TTC34: variants seen among roughly 807,000 people sequenced by gnomAD.
TTC34 encodes tetratricopeptide repeat protein 34.
In TTC34, 44 loss-of-function variants were observed where a neutral mutation model predicts 40.7. That is an observed-to-expected ratio of 1.08 (90% CI 0.85 to 1.39). The LOEUF (loss-of-function observed/expected upper bound fraction) is 1.39. Ranked by LOEUF, TTC34 falls within the 40% of genes most tolerant of loss-of-function variation. TTC34 has a pLI of 0.00. For missense variants in TTC34, 884 were observed against 838.0 expected (o/e 1.05, Z -0.68); for synonymous variants, 422 against 398.6 (o/e 1.06, Z -0.70).
At chr1:2,699,370 A>G (rs1288221057) in intron 6 of TTC34, among the ~76,000 whole-genome samples, 1 of 103,076 alleles carries the variant, frequency 9.7e-6, no homozygotes, top group African/African-American at 3.1e-5. Flanking sequence ...AGCACCGCAC[A>G]CCCGCAGGTG....
intron 8 of TTC34, among the ~76,000 whole-genome samples, chr1:2,642,214 G>A (rs909971455): frequency 2.6e-5 from 4 of 152,182 alleles, no homozygotes; most frequent in African/African-American, 9.7e-5. Flanking sequence ...CTCGGATCAG[G>A]GACCTGGATT....
intron 6 of TTC34, chr1:2,776,459 C>T (rs1264727698): frequency 2.7e-5 from 3 of 112,166 alleles, no homozygotes; most frequent in Non-Finnish European, 1.7e-5. Context: ...AGGTGAGCAT[C>T]TGGCAGCCTG....
chr1:2,798,611 C>T (rs556631955), intron 2 of TTC34, among the ~76,000 whole-genome samples: 4 of 118,086 alleles, frequency 3.4e-5, no homozygotes, highest in Non-Finnish European at 7.1e-5. Flanking sequence ...CCCAGCCTCT[C>T]AGCCTCTTAG....
At chr1:2,648,344 A>G (rs541399154) in intron 6 of TTC34, among the ~76,000 whole-genome samples, 1 of 152,252 alleles carries the variant, frequency 6.6e-6, no homozygotes, top group Non-Finnish European at 1.5e-5. Flanking sequence ...GCCAGGCTTT[A>G]TCTTGTACTT....
At chr1:2,690,010 A>AGCCT (rs1640542717) in intron 6 of TTC34, among the ~76,000 whole-genome samples, 2 of 141,358 alleles carry the variant, frequency 1.4e-5, no homozygotes, top group African/African-American at 2.7e-5. Flanking sequence ...CTGGAACAGC[A>AGCCT]GCCTGCACCC....
chr1:2,783,105 C>T (rs564175605), intron 6 of TTC34, among the ~76,000 whole-genome samples: 9 of 152,158 alleles, frequency 5.9e-5, no homozygotes, highest in Non-Finnish European at 1.0e-4. Flanking sequence ...GCATAGATAC[C>T]GAACTTAAAG....
intron 6 of TTC34, among the ~76,000 whole-genome samples, chr1:2,764,178 G>T (rs1192570417): frequency 6.8e-6 from 1 of 146,318 alleles, no homozygotes; most frequent in Admixed American, 6.8e-5. Context: ...ACAGCACCCT[G>T]CAACCCCAGG....
intron 6 of TTC34, among the ~76,000 whole-genome samples, chr1:2,687,043 A>C (rs796737740): frequency 0.14 from 5,274 of 37,274 alleles, 2 homozygotes; most frequent in African/African-American, 0.21. Context: ...AGCACCCACA[A>C]CCCCAGGCGT....
At chr1:2,686,095 C>T (rs1476724091) in intron 6 of TTC34, among the ~76,000 whole-genome samples, 1 of 134,316 alleles carries the variant, frequency 7.4e-6, no homozygotes, top group Non-Finnish European at 1.6e-5. Flanking sequence ...AGGCGAGCAT[C>T]TGACAGCCTG....
At chr1:2,637,156 A>G (rs1395658675) in exon 9 of TTC34, 1 of 151,978 alleles carries the variant, frequency 6.6e-6, no homozygotes, top group Non-Finnish European at 1.5e-5. Context: ...GCTTCTGATT[A>G]TGCAAAAAAG....
intron 6 of TTC34, among the ~76,000 whole-genome samples, chr1:2,687,142 A>T (rs1640398615): frequency 7.0e-6 from 1 of 142,508 alleles, no homozygotes; most frequent in South Asian, 2.1e-4. Context: ...TGAGCATCTG[A>T]CAGCCTGGAA....
chr1:2,642,430 CTAGCCCCTCTCCCTGGGGCTGCTG>C (rs1438893971), intron 8 of TTC34, among the ~76,000 whole-genome samples: 9 of 152,156 alleles, frequency 5.9e-5, no homozygotes, highest in Admixed American at 5.2e-4. Flanking sequence ...CACGTGCACC[CTAGCCCCTCTCCCTGGGGCTGCTG>C]GACGGAGGGC....
At chr1:2,777,282 G>A (rs1356462459) in intron 6 of TTC34, among the ~76,000 whole-genome samples, 1 of 118,938 alleles carries the variant, frequency 8.4e-6, no homozygotes. Flanking sequence ...ACCTGGAGCA[G>A]CACCCCACAC....
chr1:2,787,332 T>G, intron 4 of TTC34, 149 bp downstream of exon 4: 1 of 616,528 alleles, frequency 1.6e-6, no homozygotes, highest in Non-Finnish European at 2.5e-6. Context: ...GGTGAGGGCC[T>G]GCAGCAGGTG....
chr1:2,681,932 A>T (rs1640092493), intron 6 of TTC34, among the ~76,000 whole-genome samples: 1 of 117,706 alleles, frequency 8.5e-6, no homozygotes, highest in African/African-American at 3.4e-5. Flanking sequence ...GACAGCCTGG[A>T]ACAGCACCAA....
chr1:2,797,034 C>G (rs879914547), intron 2 of TTC34, among the ~76,000 whole-genome samples: 15 of 152,152 alleles, frequency 9.9e-5, no homozygotes, highest in Non-Finnish European at 2.1e-4. Flanking sequence ...ACCCCACGGG[C>G]TCCGAATTTT....
At chr1:2,752,217 T>C (rs1476900312) in intron 6 of TTC34, among the ~76,000 whole-genome samples, 13 of 108,122 alleles carry the variant, frequency 1.2e-4, no homozygotes, top group Admixed American at 1.9e-4. Flanking sequence ...CACCCCCAGG[T>C]GAGCATCTGA....
Position 2,751,435 on chromosome 1 carries a change from C to G in TTC34, c.2226+32174G>C, listed in dbSNP as rs1160117825. Among the ~76,000 whole-genome samples, 10 of 106,834 alleles carry G rather than the reference C, an allele frequency of 9.4e-5. 2 individuals are homozygous for G. The highest frequency in any genetic ancestry group is 3.7e-4 in the South Asian group (1 of 2,706). The allele number at this position is 106,834 out of a possible 152,430, so 70.1% of individuals were successfully genotyped here. ...CAGGTGGGCATCTGACAGCCTGGAACAGAGCCCAGACCCCCAGGTGAGCAT... is the reference window on the plus strand; with the variant it reads ...CAGGTGGGCATCTGACAGCCTGGAAGAGAGCCCAGACCCCCAGGTGAGCAT... On this transcript the variant is annotated intron_variant, in intron 6 of 8. Coordinates refer to ENST00000401095, the Ensembl canonical transcript of TTC34.
At chr1:2,750,815 G>A (rs1641294952) in intron 6 of TTC34, among the ~76,000 whole-genome samples, 1 of 132,070 alleles carries the variant, frequency 7.6e-6, no homozygotes, top group African/African-American at 3.2e-5. Context: ...ACCCCCAGGC[G>A]AGCATCTGAC....
Sources: gnomAD v4.1 joint callset for allele counts (sites outside exome capture counted in the v4.1 genomes callset) on GRCh38, gnomAD v4.1.1 for gene constraint, MANE v1.5 for transcripts, NCBI Gene and HGNC (gene_info 2026-07-23, HGNC 2026-07-21) for gene names.